The following RCC1 variants were observed in gnomAD, a reference collection of about 807,000 sequenced individuals.
RCC1 encodes the protein regulator of chromosome condensation.
Under a neutral mutation model 44.4 loss-of-function variants are expected in RCC1, and 11 were observed. The ratio of observed to expected loss-of-function variants is 0.25; its 90% CI spans 0.16 to 0.41. RCC1 has a LOEUF of 0.41. Among genes scored for constraint, RCC1 ranks in the 10% least tolerant of loss-of-function variants. RCC1 has a pLI of 1.00. For missense variants in RCC1, 386 were observed against 547.1 expected (o/e 0.71, Z 2.94); for synonymous variants, 213 against 216.5 (o/e 0.98, Z 0.14).
At chr1:28,515,183 G>A (rs772681793) in intron 3 of RCC1, among the ~76,000 whole-genome samples, 6 of 152,030 alleles carry the variant, frequency 3.9e-5, no homozygotes, top group East Asian at 3.9e-4. Context: ...CCAGCTACTC[G>A]GGAGGCTGAA....
At chr1:28,516,970 A>G (rs1662932688) in intron 4 of RCC1, 103 bp downstream of exon 4, 2 of 421,922 alleles carry the variant, frequency 4.7e-6, no homozygotes, top group African/African-American at 4.1e-5. Flanking sequence ...AAAATACGAA[A>G]ATTAGCCAGG....
chr1:28,522,619 G>T (rs765467145), intron 4 of RCC1, among the ~76,000 whole-genome samples: 16 of 151,676 alleles, frequency 1.1e-4, no homozygotes, highest in Non-Finnish European at 2.4e-4. Flanking sequence ...ACCAGCCTGG[G>T]CAACATAGTG....
At chr1:28,533,718 C>T (rs181297892) in intron 7 of RCC1, among the ~76,000 whole-genome samples, 2,981 of 120,688 alleles carry the variant, frequency 0.025, 54 homozygotes, top group Non-Finnish European at 0.032. Flanking sequence ...TGCAGTGAGC[C>T]GAGATCGCGC....
rs748955715 is a variant in RCC1, at chr1:28,529,913, C to A, written c.47C>A (p.Ala16Asp). The A allele has an allele frequency of 6.2e-7, 1 of 1,613,976 alleles. No homozygotes were observed. Among genetic ancestry groups the A allele is most frequent in the Non-Finnish European group, 8.5e-7 (1 of 1,179,950 alleles). ...IAKRRSPPAD[A>D]IPKSKKVKVS... ...AAAAGAAGGTCCCCCCCAGCAGATG[C>A]CATCCCCAAAAGCAAGAAGGTGAAG... The change falls in exon 5 of 13, where the codon GCC becomes GAC. Residue 16 changes from alanine (A) to aspartate (D), a missense_variant. Physicochemically the swap from Ala to Asp is moderately radical, Grantham distance 126 (BLOSUM62 -2). Coordinates refer to ENST00000683442, the MANE Select transcript of RCC1 (RefSeq NM_001381865.2).
chr1:28,519,974 C>T (rs1663169085), intron 4 of RCC1, among the ~76,000 whole-genome samples: 1 of 151,808 alleles, frequency 6.6e-6, no homozygotes, highest in South Asian at 2.1e-4. Flanking sequence ...CGGGTTCAAG[C>T]GATTCTCCTG....
rs1280366310 is a variant in RCC1, at chr1:28,536,150, G to T, written c.818-112G>T. The T allele has an allele frequency of 4.2e-5, 65 of 1,544,026 alleles. No individual in the cohort carries two copies. The highest frequency in any genetic ancestry group is 5.6e-5 in the Non-Finnish European group (64 of 1,142,870). On this transcript the variant is annotated intron_variant, in intron 10 of 12. Coordinates refer to ENST00000683442, the MANE Select transcript of RCC1 (RefSeq NM_001381865.2). The surrounding 1 kb of genome is among the most constrained non-coding windows in gnomAD (Gnocchi z 4.9). ...CCCCTCCAAGCCAGTTTTGTCATCT[G>T]TAAAGTGAGAATGTCCATATCCTGA...
chr1:28,514,848 CACGAGGT>C (rs1411569081), intron 3 of RCC1, among the ~76,000 whole-genome samples: 2 of 151,834 alleles, frequency 1.3e-5, no homozygotes, highest in Non-Finnish European at 2.9e-5. Context: ...GCAGGCAGAT[CACGAGGT>C]CAGAGCGAGA....
intron 3 of RCC1, among the ~76,000 whole-genome samples, chr1:28,512,208 T>C (rs1043473331): frequency 1.6e-5 from 1 of 62,686 alleles, no homozygotes; most frequent in Non-Finnish European, 3.1e-5. Context: ...TCAAAACTCC[T>C]GACCTCAGGT....
chr1:28,509,176 G>A (rs952159330), intron 3 of RCC1: 4 of 303,512 alleles, frequency 1.3e-5, no homozygotes, highest in Non-Finnish European at 1.9e-5. Flanking sequence ...TTGGAATTTG[G>A]CATTTAGCTA....
chr1:28,509,351 C>CCTGCCTCAGCCTCCCAAGTAG (rs1662319241), intron 3 of RCC1: 1 of 169,636 alleles, frequency 5.9e-6, no homozygotes, highest in South Asian at 1.4e-4. Flanking sequence ...AGGCGATTCT[C>CCTGCCTCAGCCTCCCAAGTAG]CTGCCTCAGC....
rs1267536893 is a variant in RCC1, at chr1:28,536,052, A to G, written c.817+26A>G. 2 of 1,591,548 alleles carry G rather than the reference A, an allele frequency of 1.3e-6. No individual in the cohort carries two copies. Among genetic ancestry groups the G allele is most frequent in the East Asian group, 2.2e-5 (1 of 44,610 alleles). On this transcript the variant is annotated intron_variant, in intron 10 of 12. Coordinates refer to ENST00000683442, the MANE Select transcript of RCC1 (RefSeq NM_001381865.2). The surrounding 1 kb of genome is among the most constrained non-coding windows in gnomAD (Gnocchi z 4.9). The stretch of plus-strand genomic sequence containing the variant: ...GTGAGCCCCGAGCCCAGCTTCAGGC[A>G]TGACCCAGTGGCCTGCGTTCCTGTC...
At chr1:28,514,195 T>C (rs373178156) in intron 3 of RCC1, among the ~76,000 whole-genome samples, 1 of 151,158 alleles carries the variant, frequency 6.6e-6, no homozygotes, top group Non-Finnish European at 1.5e-5. Context: ...TCACGCCTGT[T>C]ATCCCAGCAT....
intron 2 of RCC1, 84 bp downstream of exon 2, chr1:28,508,244 A>G (rs1570156410): frequency 2.5e-6 from 1 of 392,336 alleles, no homozygotes; most frequent in African/African-American, 2.1e-5. Flanking sequence ...AGAGACTTTT[A>G]TTCTAGTTGG....
intron 4 of RCC1, among the ~76,000 whole-genome samples, chr1:28,528,424 T>C (rs1353597947): frequency 6.6e-6 from 1 of 152,018 alleles, no homozygotes; most frequent in Non-Finnish European, 1.5e-5. Flanking sequence ...CATTGCACTC[T>C]AGCCTGGGTG....
intron 3 of RCC1, 140 bp downstream of exon 3, chr1:28,509,045 C>T (rs1486404326): frequency 2.7e-6 from 1 of 374,024 alleles, no homozygotes. Flanking sequence ...GCAATCTTGG[C>T]TGCAACCTCA....
At chr1:28,525,018 C>T (rs1242871919) in intron 4 of RCC1, among the ~76,000 whole-genome samples, 6 of 152,090 alleles carry the variant, frequency 3.9e-5, no homozygotes, top group African/African-American at 7.2e-5. Flanking sequence ...GCAAGATTCA[C>T]GTCTCCAAAA....
intron 7 of RCC1, among the ~76,000 whole-genome samples, chr1:28,534,223 C>T (rs1474692816): frequency 6.6e-6 from 1 of 151,986 alleles, no homozygotes; most frequent in Non-Finnish European, 1.5e-5. Flanking sequence ...CTTTGTCGCC[C>T]AGGCTGGAGT....
At chr1:28,507,641 T>G (rs1311460024) in intron 1 of RCC1, 1 of 447,824 alleles carries the variant, frequency 2.2e-6, no homozygotes, top group African/African-American at 2.1e-5. Flanking sequence ...GTCGCTCTGT[T>G]GCCCAGGCTG....
chr1:28,518,360 A>C (rs570528950), intron 4 of RCC1: 1 of 151,888 alleles, frequency 6.6e-6, no homozygotes, highest in East Asian at 1.9e-4. Flanking sequence ...CGGTAAGCGG[A>C]GCGGCCACAG....
Sources: allele counts gnomAD v4.1 joint callset (sites outside exome capture counted in the v4.1 genomes callset), GRCh38; gene constraint gnomAD v4.1.1; non-coding constraint Gnocchi (gnomAD v3.1); transcripts MANE v1.5; gene names NCBI Gene and HGNC (gene_info 2026-07-23, HGNC 2026-07-21).